TENM4: variants seen among roughly 807,000 people sequenced by gnomAD.
TENM4 encodes the protein teneurin transmembrane protein 4, also known as teneurin-4.
A neutral mutation model predicts 243.3 loss-of-function variants in TENM4; 82 were observed. That is an observed-to-expected ratio of 0.34 (90% CI 0.28 to 0.40). The LOEUF (loss-of-function observed/expected upper bound fraction) is 0.40, where lower values mean the gene tolerates loss of function less well. Ranked by LOEUF, TENM4 falls within the 10% of genes least tolerant of loss-of-function variation. The probability of loss-of-function intolerance (pLI) is 1.00; values close to 1 mark genes in which losing one functional copy is unlikely to be tolerated. For missense variants in TENM4, 3,138 were observed against 3,673.3 expected, an observed-to-expected ratio of 0.85 and a Z score of 3.77; for synonymous variants, 1,412 against 1,456.3, an observed-to-expected ratio of 0.97 and a Z score of 0.69.
chr11:78,816,679 A>G (rs1254468419), intron 12 of TENM4, among the ~76,000 whole-genome samples: 2 of 152,248 alleles, frequency 1.3e-5, no homozygotes, highest in Non-Finnish European at 2.9e-5. Context: ...CAGATTTGAA[A>G]GTAAAGGAAA....
At chr11:79,419,070 A>G (rs1045400037) in intron 1 of TENM4, among the ~76,000 whole-genome samples, 2 of 152,134 alleles carry the variant, frequency 1.3e-5, no homozygotes, top group Non-Finnish European at 2.9e-5. Context: ...CTTAGCTCAT[A>G]CTTGTTTGAA....
At chr11:78,703,816 G>A (rs1010251735) in intron 27 of TENM4, among the ~76,000 whole-genome samples, 1 of 151,860 alleles carries the variant, frequency 6.6e-6, no homozygotes, top group Non-Finnish European at 1.5e-5. Context: ...TCTGGGGTGC[G>A]CTTAAGCAAG....
chr11:79,227,664 C>T (rs1330528719), intron 2 of TENM4, among the ~76,000 whole-genome samples: 11 of 152,116 alleles, frequency 7.2e-5, no homozygotes, highest in South Asian at 2.1e-4. Flanking sequence ...TTCTTTCCCC[C>T]GTAGGTCCAG....
chr11:79,365,336 A>G (rs1857658274), intron 1 of TENM4, among the ~76,000 whole-genome samples: 1 of 152,218 alleles, frequency 6.6e-6, no homozygotes, highest in Non-Finnish European at 1.5e-5. Flanking sequence ...TAGGCCCATC[A>G]TGGCCCCTAA....
intron 6 of TENM4, among the ~76,000 whole-genome samples, chr11:78,993,056 C>A (rs1858084274): frequency 6.6e-6 from 1 of 152,136 alleles, no homozygotes; most frequent in Admixed American, 6.6e-5. Flanking sequence ...TTAATTCACC[C>A]ATTTAATTGA....
chr11:78,690,461 C>T (rs972554514), intron 28 of TENM4, among the ~76,000 whole-genome samples: 3 of 152,088 alleles, frequency 2.0e-5, no homozygotes, highest in African/African-American at 7.2e-5. Flanking sequence ...TATTTCCATG[C>T]TTTAAAAATA....
At chr11:78,704,692 A>G (rs989791630) in intron 27 of TENM4, among the ~76,000 whole-genome samples, 1 of 152,220 alleles carries the variant, frequency 6.6e-6, no homozygotes, top group Non-Finnish European at 1.5e-5. Context: ...GAGGGATGGC[A>G]TATATATCAA....
rs1565220750 is a variant in TENM4 at position 79,139,749 on chromosome 11, A to ATATATATTATATTTATATAAATATATAAT, written c.-66+8960_-66+8961insATTATATATTTATATAAATATAATATATA. 5.0e-5 allele frequency among the ~76,000 whole-genome samples: 3 copies of ATATATATTATATTTATATAAATATATAAT among 59,430 alleles called. No individual in the cohort carries two copies. In the Admixed American group the frequency reaches 7.2e-4, roughly 14 times the overall value. 39.0% of individuals were successfully genotyped at this position (59,430 alleles called of 152,430 possible). A position where few individuals can be genotyped will look rare whatever the true frequency, so the allele number is the denominator to read the frequency against. Reference sequence around the variant, plus strand: ...ATATATTATATTTATATAAATATATAATATATATTATATTTATATAAATAT... The same window carrying ATATATATTATATTTATATAAATATATAAT: ...ATATATTATATTTATATAAATATATATATATATTATATTTATATAAATATATAATATATATATTATATTTATATAAATAT... On this transcript the variant is annotated intron_variant, in intron 4 of 33. Coordinates refer to ENST00000278550, the MANE Select transcript of TENM4 (RefSeq NM_001098816.3).
chr11:78,770,909 T>C, intron 18 of TENM4, 83 bp downstream of exon 18: 3 of 1,511,094 alleles, frequency 2.0e-6, no homozygotes, highest in Non-Finnish European at 2.7e-6. Flanking sequence ...GTTGGTGGCC[T>C]GTTAGCTCAG....
At chr11:79,114,165 A>G (rs1252428114) in intron 4 of TENM4, among the ~76,000 whole-genome samples, 1 of 152,046 alleles carries the variant, frequency 6.6e-6, no homozygotes, top group Non-Finnish European at 1.5e-5. Context: ...ATCTCCCTCA[A>G]CATGTATTTT....
intron 3 of TENM4, among the ~76,000 whole-genome samples, chr11:79,169,041 C>A (rs896058768): frequency 3.8e-4 from 58 of 152,212 alleles, no homozygotes; most frequent in African/African-American, 1.4e-3. Context: ...TCCCCTTTCA[C>A]CCAGGACCTT....
At chr11:79,373,343 T>C (rs1857825609) in intron 1 of TENM4, among the ~76,000 whole-genome samples, 2 of 151,724 alleles carry the variant, frequency 1.3e-5, no homozygotes, top group African/African-American at 4.8e-5. Context: ...GATGGATGGA[T>C]GGATGGATGG....
At chr11:78,685,051 T>G (rs898735190) in intron 29 of TENM4, among the ~76,000 whole-genome samples, 2 of 152,094 alleles carry the variant, frequency 1.3e-5, no homozygotes, top group African/African-American at 4.8e-5. Flanking sequence ...TCTCCATCTT[T>G]CTCTCTCACA....
intron 27 of TENM4, 24 bp downstream of exon 27, chr11:78,708,337 C>A (rs776852499): frequency 6.2e-7 from 1 of 1,613,220 alleles, no homozygotes; most frequent in Non-Finnish European, 8.5e-7. Context: ...AGTCCCAGGG[C>A]TTTGGTAGAT....
At chr11:79,005,135 G>A (rs1858449624) in intron 6 of TENM4, among the ~76,000 whole-genome samples, 1 of 151,990 alleles carries the variant, frequency 6.6e-6, no homozygotes, top group South Asian at 2.1e-4. Context: ...CTACCCACCA[G>A]AGAAAAACCA....
At chr11:79,001,238 T>C (rs1858316296) in intron 6 of TENM4, among the ~76,000 whole-genome samples, 1 of 152,140 alleles carries the variant, frequency 6.6e-6, no homozygotes, top group Admixed American at 6.5e-5. Context: ...TGTCTGCCAC[T>C]GAGAGGCTGG....
At chr11:79,221,542 G>A (rs1037734315) in intron 2 of TENM4, among the ~76,000 whole-genome samples, 12 of 151,598 alleles carry the variant, frequency 7.9e-5, no homozygotes, top group African/African-American at 2.4e-4. Context: ...CAGAGAGCAC[G>A]TCAGTGAGGT....
chr11:78,928,983 A>G (rs953665377), intron 6 of TENM4, among the ~76,000 whole-genome samples: 4 of 152,228 alleles, frequency 2.6e-5, no homozygotes, highest in African/African-American at 9.6e-5. Context: ...ACGAGAGCAG[A>G]GTGAATTGTG....
intron 6 of TENM4, among the ~76,000 whole-genome samples, chr11:78,920,486 G>A (rs1856424483): frequency 6.6e-6 from 1 of 152,184 alleles, no homozygotes; most frequent in South Asian, 2.1e-4. Context: ...GGCAGGAATA[G>A]GCATCCTCTG....
Sources: gnomAD v4.1 joint callset for allele counts (sites outside exome capture counted in the v4.1 genomes callset) on GRCh38, gnomAD v4.1.1 for gene constraint, MANE v1.5 for transcripts, NCBI Gene and HGNC (gene_info 2026-07-23, HGNC 2026-07-21) for gene names.